Variants in TBC1D7 observed in about 807,000 individuals in gnomAD.
The protein encoded by TBC1D7 is TBC domain family 7.
A neutral mutation model predicts 35.3 loss-of-function variants in TBC1D7; 33 were observed. The ratio of observed to expected loss-of-function variants is 0.93; its 90% CI spans 0.71 to 1.25. The LOEUF is 1.25. TBC1D7 is among the 50% of genes most tolerant of loss of function. The pLI, the probability that TBC1D7 is intolerant of heterozygous loss-of-function variation, is 0.00. For synonymous variants in TBC1D7, 135 were observed against 129.5 expected, an observed-to-expected ratio of 1.04 and a Z score of -0.29; for missense variants, 362 against 365.3, an observed-to-expected ratio of 0.99 and a Z score of 0.07.
intron 1 of TBC1D7, chr6:13,327,582 C>A (rs1784482201): frequency 6.6e-6 from 1 of 152,150 alleles, no homozygotes; most frequent in Admixed American, 6.5e-5. Context: ...ACAAATAAAT[C>A]GCATTAAATT....
At chr6:13,322,030 A>G (rs1462233309) in intron 3 of TBC1D7, among the ~76,000 whole-genome samples, 1 of 152,328 alleles carries the variant, frequency 6.6e-6, no homozygotes, top group Non-Finnish European at 1.5e-5. Flanking sequence ...TGAGCCCAGA[A>G]GTTCAAGACC....
chr6:13,309,770 G>T (rs1436626888), intron 5 of TBC1D7, among the ~76,000 whole-genome samples: 1 of 152,000 alleles, frequency 6.6e-6, no homozygotes, highest in Non-Finnish European at 1.5e-5. Flanking sequence ...TTAGTATTTT[G>T]CTGTTTGCAT....
rs142679463 is a variant in TBC1D7 at position 13,307,672 on chromosome 6, G to A, written c.593C>T (p.Ala198Val). ...CCAGAGATCATAAGGAAGTTTGGGC[G>A]CCGCGGAACACATCCTCAGATGAGT... is the stretch of plus-strand genomic sequence containing the variant. ...LLTHLRMCSA[A>V]PKLPYDLWFK... The change falls in exon 6 of 8, where the codon GCG (alanine) becomes GTG (valine). Residue 198 changes from alanine to valine, a missense_variant. Coordinates refer to ENST00000379300, the MANE Select transcript of TBC1D7 (RefSeq NM_016495.6). 543 of 1,614,076 alleles carry A rather than the reference G, an allele frequency of 3.4e-4. 5 individuals carry two copies. The East Asian group carries it at 0.011, about 32-fold the overall frequency.
chr6:13,317,536 CTTCT>C (rs1156620612), intron 4 of TBC1D7, among the ~76,000 whole-genome samples: 1 of 152,156 alleles, frequency 6.6e-6, no homozygotes, highest in Non-Finnish European at 1.5e-5. Flanking sequence ...ATTCTAAGCC[CTTCT>C]TTCAACTTGT....
chr6:13,316,847 A>G, intron 4 of TBC1D7, 139 bp from the exon 5 acceptor site: 5 of 1,040,432 alleles, frequency 4.8e-6, no homozygotes, highest in Non-Finnish European at 6.9e-6. Flanking sequence ...AAAAGCACAG[A>G]GTCCCTCCCT....
chr6:13,324,022 C>T (rs1256325534), intron 3 of TBC1D7, among the ~76,000 whole-genome samples: 2 of 152,212 alleles, frequency 1.3e-5, no homozygotes, highest in African/African-American at 4.8e-5. Flanking sequence ...TACTGACAGG[C>T]ATACAGGGAT....
chr6:13,305,616 A>C lies in TBC1D7; in HGVS notation c.796-429T>G, dbSNP rs77396251. On this transcript the variant is annotated intron_variant, in intron 7 of 7. Coordinates refer to ENST00000379300, the MANE Select transcript of TBC1D7 (RefSeq NM_016495.6). The stretch of plus-strand genomic sequence containing the variant: ...GCATATTGACTCAGTACTTTATTAT[A>C]ATTTACCAGGCCATTTTTCAAATGT... The C allele has an allele frequency of 2.4e-3, 410 of 171,710 alleles. 1 individual carries two copies. Among genetic ancestry groups the C allele is most frequent in the African/African-American group, 8.9e-3 (373 of 41,786 alleles). The allele number at this position is 171,710 out of a possible 1,614,324, so 10.6% of individuals were successfully genotyped here.
In TBC1D7 at chr6:13,306,498, C is replaced by T; in HGVS notation, c.695G>A (p.Cys232Tyr). The T allele has an allele frequency of 6.2e-7, 1 of 1,607,172 alleles. No individual in the cohort carries two copies. Among genetic ancestry groups the T allele is most frequent in the Non-Finnish European group, 8.5e-7 (1 of 1,177,360 alleles). ...GACAGCTACAAAAACTAGGATCTTA[C>T]AGGATCCACTCACAACTTTATCCCA... The part of the protein sequence containing the change: ...RVWDKVVSGS[C>Y]KILVFVAVEI... The change falls in exon 7 of 8, where the codon TGT becomes TAT. Residue 232 changes from cysteine (C) to tyrosine (Y), a missense_variant. By Grantham distance (194) the Cys-to-Tyr change is radical. Transcript: ENST00000379300.
At chr6:13,317,042 G>A (rs1406166376) in intron 4 of TBC1D7, among the ~76,000 whole-genome samples, 2 of 152,180 alleles carry the variant, frequency 1.3e-5, no homozygotes, top group African/African-American at 2.4e-5. Flanking sequence ...TCAGTACTAG[G>A]TGAGGATATC....
chr6:13,327,673 T>A (rs1165979348), intron 1 of TBC1D7: 2 of 152,228 alleles, frequency 1.3e-5, no homozygotes, highest in African/African-American at 2.4e-5. Context: ...CGATTTAAAA[T>A]CTACCGCAAG....
chr6:13,305,186 A>T lies in TBC1D7; in HGVS notation c.797T>A (p.Ile266Asn). The change falls in exon 8 of 8, where the codon ATT (isoleucine) becomes AAT (asparagine). Residue 266 changes from isoleucine to asparagine, a missense_variant and splice_region_variant. Transcript: ENST00000379300. Reference sequence around the variant, plus strand: ...GATCGCGTCTGAGCTGTCCTGGGGAATCTGTGGGCAAGCAAATCAGTCTTT... The same window carrying T: ...GATCGCGTCTGAGCTGTCCTGGGGATTCTGTGGGCAAGCAAATCAGTCTTT... Reference protein sequence around the residue: ...AEKITKFLENIPQDSSDAIVS... With the variant: ...AEKITKFLENNPQDSSDAIVS... The T allele has an allele frequency of 5.0e-6, 8 of 1,614,144 alleles. No individual in the cohort carries two copies. Among genetic ancestry groups the T allele is most frequent in the Non-Finnish European group, 6.8e-6 (8 of 1,180,016 alleles).
At chr6:13,313,655 G>C (rs1180320868) in intron 5 of TBC1D7, among the ~76,000 whole-genome samples, 3 of 152,156 alleles carry the variant, frequency 2.0e-5, no homozygotes, top group African/African-American at 7.2e-5. Flanking sequence ...GGAAATGCTA[G>C]GAGTAAATAT....
chr6:13,312,902 A>C (rs146764331), intron 5 of TBC1D7, among the ~76,000 whole-genome samples: 23 of 152,138 alleles, frequency 1.5e-4, no homozygotes, highest in African/African-American at 5.1e-4. Context: ...TCCAGGGTAC[A>C]GTCGACCCTC....
chr6:13,320,185 G>C (rs1349429931), intron 4 of TBC1D7: 1 of 152,802 alleles, frequency 6.5e-6, no homozygotes, highest in African/African-American at 2.4e-5. Context: ...CAAGTCAAAG[G>C]AGACTAAAGC....
intron 5 of TBC1D7, among the ~76,000 whole-genome samples, chr6:13,309,879 G>T (rs186983171): frequency 6.6e-6 from 1 of 152,106 alleles, no homozygotes; most frequent in Admixed American, 6.5e-5. Flanking sequence ...AAAAAGCCAA[G>T]AACTCTATAG....
chr6:13,326,171 G>C (rs1356104200), intron 2 of TBC1D7, among the ~76,000 whole-genome samples: 1 of 152,070 alleles, frequency 6.6e-6, no homozygotes, highest in African/African-American at 2.4e-5. Flanking sequence ...TTCCATAAAA[G>C]AAAATCATGG....
Position 13,316,790 on chromosome 6 carries a change from C to T in TBC1D7, c.382-82G>A, listed in dbSNP as rs1163677317. 11 of 1,528,550 alleles carry T rather than the reference C, an allele frequency of 7.2e-6. No individual in the cohort carries two copies. The African/African-American group carries it at 9.7e-5, about 14-fold the overall frequency. 94.7% of individuals were successfully genotyped at this position (1,528,550 alleles called of 1,614,324 possible). ...TTCTTTAATAAAAAATGAAACCTTGCTCCCTAAATTTTGAAAAGGCTACAT... is the reference window on the plus strand; with the variant it reads ...TTCTTTAATAAAAAATGAAACCTTGTTCCCTAAATTTTGAAAAGGCTACAT... On this transcript the variant is annotated intron_variant, in intron 4 of 7. Coordinates refer to ENST00000379300, the MANE Select transcript of TBC1D7 (RefSeq NM_016495.6).
chr6:13,325,586 C>A (rs1784350368), intron 2 of TBC1D7, among the ~76,000 whole-genome samples: 1 of 152,184 alleles, frequency 6.6e-6, no homozygotes, highest in African/African-American at 2.4e-5. Flanking sequence ...TCGCCTGAAC[C>A]CAGGAGGCAG....
chr6:13,328,520 T>TGCCGCCGCCGCC lies in TBC1D7; in HGVS notation c.-245_-234dup, dbSNP rs906257246. On this transcript the variant is annotated 5_prime_UTR_variant, in exon 1 of 8. Coordinates refer to ENST00000379300, the MANE Select transcript of TBC1D7 (RefSeq NM_016495.6). ...AACTCAGCGCCGCTGCCGCTGCCGC[T>TGCCGCCGCCGCC]GCCGCCGCCGCCGGACGTGACATCA... is the stretch of plus-strand genomic sequence containing the variant. 5 of 157,928 alleles carry TGCCGCCGCCGCC rather than the reference T, an allele frequency of 3.2e-5. 1 individual carries two copies. Among genetic ancestry groups the TGCCGCCGCCGCC allele is most frequent in the South Asian group, 1.4e-4 (1 of 7,006 alleles). The allele number at this position is 157,928 out of a possible 1,614,324, so 9.8% of individuals were successfully genotyped here.
Sources: gnomAD v4.1 joint callset for allele counts (sites outside exome capture counted in the v4.1 genomes callset) on GRCh38, gnomAD v4.1.1 for gene constraint, MANE v1.5 for transcripts, NCBI Gene and HGNC (gene_info 2026-07-23, HGNC 2026-07-21) for gene names.